EFR3A: variants seen among roughly 807,000 people sequenced by gnomAD.
EFR3A encodes protein EFR3 homolog A.
Under a neutral mutation model 104.4 loss-of-function variants are expected in EFR3A, and 76 were observed. The observed-to-expected ratio is 0.73, with a 90% CI of 0.60 to 0.88. EFR3A has a LOEUF of 0.88. EFR3A is among the 40% of genes least tolerant of loss of function. EFR3A has a pLI of 0.00. For missense variants in EFR3A, 985 were observed against 1,012.5 expected, an observed-to-expected ratio of 0.97 and a Z score of 0.37; for synonymous variants, 330 against 330.0, an observed-to-expected ratio of 1.00 and a Z score of 0.00.
intron 22 of EFR3A, among the ~76,000 whole-genome samples, chr8:132,008,389 GAT>G (rs1563714629): frequency 6.6e-6 from 1 of 152,024 alleles, no homozygotes; most frequent in Non-Finnish European, 1.5e-5. Flanking sequence ...TTCACAGAAA[GAT>G]ATATGTGAAT....
At chr8:131,974,207 T>C (rs1402046395) in intron 10 of EFR3A, among the ~76,000 whole-genome samples, 1 of 152,146 alleles carries the variant, frequency 6.6e-6, no homozygotes, top group African/African-American at 2.4e-5. Context: ...CTCCCCTAGG[T>C]AATTATAATA....
chr8:132,006,139 G>GC (rs1822038897), intron 22 of EFR3A, among the ~76,000 whole-genome samples: 2 of 152,126 alleles, frequency 1.3e-5, no homozygotes, highest in African/African-American at 4.8e-5. Context: ...TTGCAAAGAA[G>GC]AGAGATCTGA....
chr8:131,942,793 A>T (rs1471984084), intron 2 of EFR3A, among the ~76,000 whole-genome samples: 1 of 152,080 alleles, frequency 6.6e-6, no homozygotes, highest in Non-Finnish European at 1.5e-5. Flanking sequence ...GACCTAAAGG[A>T]TGAGTAGGAA....
At chr8:131,957,131 T>C (rs1819043035) in intron 7 of EFR3A, among the ~76,000 whole-genome samples, 1 of 152,158 alleles carries the variant, frequency 6.6e-6, no homozygotes, top group Admixed American at 6.5e-5. Flanking sequence ...AGTAAATATG[T>C]GATTACACAT....
rs148023068 is a variant in EFR3A, at chr8:132,005,790, A to G, written c.2360+2505A>G. ...ATTTAAGTGGCCTTTAGAAAACACA[A>G]TGCTAGGCAAATACAGAATATAGAT... is the stretch of plus-strand genomic sequence containing the variant. On this transcript the variant is annotated intron_variant, in intron 22 of 22. Coordinates refer to ENST00000254624, the MANE Select transcript of EFR3A (RefSeq NM_015137.6). Among the ~76,000 whole-genome samples the G allele has an allele frequency of 3.3e-5, 5 of 152,336 alleles. No individual in the cohort carries two copies. In the East Asian group the frequency reaches 9.6e-4, roughly 29 times the overall value.
At chr8:131,952,133 T>C (rs1818733690) in intron 5 of EFR3A, among the ~76,000 whole-genome samples, 1 of 151,734 alleles carries the variant, frequency 6.6e-6, no homozygotes, top group South Asian at 2.1e-4. Context: ...TGGTAGAAAT[T>C]ACCACCACCA....
At chr8:131,942,955 C>T (rs1818235936) in intron 2 of EFR3A, among the ~76,000 whole-genome samples, 2 of 152,026 alleles carry the variant, frequency 1.3e-5, no homozygotes, top group African/African-American at 4.8e-5. Context: ...CAGTGGTTGC[C>T]TGAAGAGGGA....
At chr8:131,977,254 G>A (rs1055624257) in intron 12 of EFR3A, among the ~76,000 whole-genome samples, 162 bp downstream of exon 12, 4 of 151,868 alleles carry the variant, frequency 2.6e-5, no homozygotes, top group Non-Finnish European at 2.9e-5. Context: ...TTTTTTTACC[G>A]TTTATTTCTC....
chr8:131,954,057 C>A, intron 6 of EFR3A, 90 bp downstream of exon 6: 1 of 1,255,460 alleles, frequency 8.0e-7, no homozygotes, highest in Non-Finnish European at 1.1e-6. Context: ...GTCTTTAGTA[C>A]TCTGTAAACA....
At chr8:131,995,769 A>G (rs1821444573) in intron 18 of EFR3A, among the ~76,000 whole-genome samples, 1 of 152,334 alleles carries the variant, frequency 6.6e-6, no homozygotes, top group African/African-American at 2.4e-5. Context: ...GCACAAAAGT[A>G]GATTAGCTAG....
At chr8:131,961,391 G>A (rs191264356) in intron 8 of EFR3A, among the ~76,000 whole-genome samples, 15,235 of 152,222 alleles carry the variant, frequency 0.1, 904 homozygotes, top group South Asian at 0.22. Context: ...TGAAAACCAT[G>A]GCACGAGAAC....
intron 1 of EFR3A, among the ~76,000 whole-genome samples, chr8:131,925,049 C>T (rs1031463316): frequency 1.3e-5 from 2 of 151,964 alleles, no homozygotes; most frequent in Non-Finnish European, 2.9e-5. Context: ...ATAGAATGAA[C>T]CTTAGTCTTA....
At chr8:131,934,679 C>CGT (rs889180315) in intron 1 of EFR3A, among the ~76,000 whole-genome samples, 55 of 151,074 alleles carry the variant, frequency 3.6e-4, no homozygotes, top group African/African-American at 9.2e-4. Flanking sequence ...ATATATAATA[C>CGT]GTGTGTGTGT....
intron 1 of EFR3A, among the ~76,000 whole-genome samples, chr8:131,919,098 T>A (rs28393714): frequency 0.17 from 25,782 of 149,210 alleles, 2,426 homozygotes; most frequent in East Asian, 0.33. Flanking sequence ...TTTTTTTTTT[T>A]AAAGCTTAGC....
chr8:131,943,532 C>G (rs556517506), intron 2 of EFR3A, among the ~76,000 whole-genome samples: 123 of 152,148 alleles, frequency 8.1e-4, no homozygotes, highest in African/African-American at 2.9e-3. Flanking sequence ...CAGAGGCAAA[C>G]CAATTCCTCC....
chr8:131,979,520 T>C, intron 14 of EFR3A, 99 bp downstream of exon 14: 2 of 881,786 alleles, frequency 2.3e-6, no homozygotes, highest in Non-Finnish European at 3.4e-6. Flanking sequence ...AATTAAGCCA[T>C]AGAATTTTGA....
intron 7 of EFR3A, among the ~76,000 whole-genome samples, chr8:131,956,873 A>G (rs944966134): frequency 6.6e-6 from 1 of 152,182 alleles, no homozygotes; most frequent in Non-Finnish European, 1.5e-5. Context: ...ATTACACCAA[A>G]TATACTAAAG....
intron 22 of EFR3A, among the ~76,000 whole-genome samples, chr8:132,003,598 TA>T (rs1454995064): frequency 6.6e-6 from 1 of 152,228 alleles, no homozygotes; most frequent in Non-Finnish European, 1.5e-5. Flanking sequence ...ATATTATGCT[TA>T]ATTAGGAAAT....
At chr8:131,945,229 T>G (rs578007589) in intron 3 of EFR3A, among the ~76,000 whole-genome samples, 25 of 152,056 alleles carry the variant, frequency 1.6e-4, no homozygotes, top group African/African-American at 6.0e-4. Context: ...AACAGAAAGA[T>G]CCTGTTAACC....
Sources: gnomAD v4.1 joint callset for allele counts (sites outside exome capture counted in the v4.1 genomes callset) on GRCh38, gnomAD v4.1.1 for gene constraint, MANE v1.5 for transcripts, NCBI Gene and HGNC (gene_info 2026-07-23, HGNC 2026-07-21) for gene names.